Variants in TACC2 observed in about 807,000 individuals in gnomAD.
TACC2 encodes transforming acidic coiled-coil-containing protein 2.
TACC2 carries 137 observed loss-of-function variants against 227.3 expected under a neutral mutation model. The ratio of observed to expected loss-of-function variants is 0.60; its 90% CI spans 0.52 to 0.69. TACC2 has a LOEUF of 0.69. Ranked by LOEUF, TACC2 falls within the 30% of genes least tolerant of loss-of-function variation. The probability of loss-of-function intolerance (pLI) is 0.00; values close to 1 mark genes in which losing one functional copy is unlikely to be tolerated. For missense variants in TACC2, 3,470 were observed against 3,694.4 expected (o/e 0.94, Z 1.57); for synonymous variants, 1,523 against 1,487.5 (o/e 1.02, Z -0.55).
Position 122,086,206 on chromosome 10 carries a change from C to G in TACC2, c.3706C>G (p.Pro1236Ala). The G allele has an allele frequency of 6.2e-7, 1 of 1,613,790 alleles. No homozygotes were observed. Among genetic ancestry groups the G allele is most frequent in the Non-Finnish European group, 8.5e-7 (1 of 1,180,016 alleles). The change falls in exon 4 of 23, where the codon CCT becomes GCT. Residue 1236 changes from proline (P) to alanine (A), a missense_variant. Pro to Ala is a conservative substitution (Grantham distance 27). Around this residue, in one of 10 missense-constraint regions of TACC2, gnomAD observed 1,924 missense variants for 1,978.3 expected, o/e 0.97. Coordinates refer to ENST00000369005, the MANE Select transcript of TACC2 (RefSeq NM_206862.4). ...GPPEVAAPDT[P>A]YLHVDSAAQR... ...ACCAGAAGTGGCTGCTCCTGACACC[C>G]CTTACCTGCATGTCGACAGTGCTGC...
At chr10:122,057,232 T>G (rs890623116) in intron 3 of TACC2, among the ~76,000 whole-genome samples, 2 of 152,022 alleles carry the variant, frequency 1.3e-5, no homozygotes, top group Admixed American at 1.3e-4. Context: ...CAAGGGCTTA[T>G]GCATGCCAGG....
At chr10:122,059,738 G>A (rs1329743333) in intron 3 of TACC2, among the ~76,000 whole-genome samples, 4 of 152,164 alleles carry the variant, frequency 2.6e-5, no homozygotes, top group African/African-American at 4.8e-5. Flanking sequence ...ACACTTTTGG[G>A]TGGTGTGGAG....
intron 3 of TACC2, among the ~76,000 whole-genome samples, chr10:122,059,293 G>A (rs1454016882): frequency 6.6e-6 from 1 of 151,858 alleles, no homozygotes; most frequent in Non-Finnish European, 1.5e-5. Flanking sequence ...CTATTGCCAG[G>A]ACCAGTTTAT....
chr10:122,021,518 C>A (rs1364707082), intron 1 of TACC2, among the ~76,000 whole-genome samples: 1 of 152,182 alleles, frequency 6.6e-6, no homozygotes, highest in Non-Finnish European at 1.5e-5. Flanking sequence ...TCTGCCGTCA[C>A]CAACAGTGGG....
chr10:122,163,702 C>T (rs2092968041), intron 7 of TACC2: 3 of 1,116,142 alleles, frequency 2.7e-6, no homozygotes, highest in East Asian at 5.1e-5. Context: ...GCCGGCCACA[C>T]TCGCGCGCAC....
intron 3 of TACC2, among the ~76,000 whole-genome samples, chr10:122,053,958 A>C (rs1376008873): frequency 6.6e-6 from 1 of 152,242 alleles, no homozygotes; most frequent in African/African-American, 2.4e-5. Flanking sequence ...GAGCGAGGGA[A>C]GAATATAGGC....
intron 7 of TACC2, among the ~76,000 whole-genome samples, chr10:122,166,328 T>C (rs1387334752): frequency 2.6e-5 from 4 of 152,216 alleles, no homozygotes; most frequent in Non-Finnish European, 5.9e-5. Context: ...AAGATTTCTT[T>C]CCTTCCAATT....
intron 1 of TACC2, among the ~76,000 whole-genome samples, chr10:121,991,789 C>T (rs772920528): frequency 2.6e-5 from 4 of 152,090 alleles, no homozygotes; most frequent in African/African-American, 4.8e-5. Context: ...TTCATGCTGC[C>T]GATAAAGACA....
chr10:122,222,510 G>A (rs183609317), intron 11 of TACC2, among the ~76,000 whole-genome samples: 2 of 152,288 alleles, frequency 1.3e-5, no homozygotes, highest in African/African-American at 4.8e-5. Context: ...ACACTAATGT[G>A]GGTGTCAGAG....
chr10:122,211,181 G>T lies in TACC2; in HGVS notation c.6756G>T (p.Gly2252=). 1 of 1,613,150 alleles carries T rather than the reference G, an allele frequency of 6.2e-7. No individual in the cohort carries two copies. Among genetic ancestry groups the T allele is most frequent in the Non-Finnish European group, 8.5e-7 (1 of 1,179,538 alleles). Residue 2252 remains glycine, a synonymous_variant, in exon 9 of 23, where the codon GGG becomes GGT. Coordinates refer to ENST00000369005, the MANE Select transcript of TACC2 (RefSeq NM_206862.4). The stretch of plus-strand genomic sequence containing the variant: ...AGGTAACCCCATCGGATAGCGGGGG[G>T]CAAGAGGACTCTCCAGCCAAAGGGC... ...AGEVTPSDSG[G]QEDSPAKGLS... is the part of the protein sequence containing the mutation.
At chr10:122,140,011 C>T (rs530894698) in intron 6 of TACC2, among the ~76,000 whole-genome samples, 16 of 152,352 alleles carry the variant, frequency 1.1e-4, no homozygotes, top group African/African-American at 2.4e-4. Flanking sequence ...CAAAGGACAA[C>T]AGCTGCTGAC....
At chr10:122,118,548 C>G (rs117170503) in intron 5 of TACC2, among the ~76,000 whole-genome samples, 1 of 152,212 alleles carries the variant, frequency 6.6e-6, no homozygotes, top group African/African-American at 2.4e-5. Flanking sequence ...GAATCGTCTC[C>G]TCTCTTGAAC....
chr10:122,201,527 G>A (rs927410123), intron 8 of TACC2, among the ~76,000 whole-genome samples: 1 of 152,268 alleles, frequency 6.6e-6, no homozygotes, highest in East Asian at 1.9e-4. Context: ...GGAGGACGGT[G>A]ACCTCATGTG....
intron 1 of TACC2, among the ~76,000 whole-genome samples, chr10:122,012,258 A>G (rs1352041776): frequency 6.6e-6 from 1 of 151,690 alleles, no homozygotes; most frequent in Non-Finnish European, 1.5e-5. Context: ...CATCTCTACT[A>G]AAAATACAAA....
rs36047326 is a variant in TACC2, at chr10:122,201,156, C to G, written c.5971+5980C>G. Among the ~76,000 whole-genome samples the G allele has an allele frequency of 6.7e-3, 345 of 51,258 alleles. 1 individual carries two copies. The highest frequency in any genetic ancestry group is 0.015 in the Admixed American group (62 of 4,222). 33.6% of individuals were successfully genotyped at this position (51,258 alleles called of 152,430 possible). A position where few individuals can be genotyped will look rare whatever the true frequency, so the allele number is the denominator to read the frequency against. On this transcript the variant is annotated intron_variant, in intron 8 of 22. Transcript: ENST00000369005. ...TGCCCACAGTGGCCACATCTACAGT[C>G]AGAGGACGGCCACCTCACCTGCCCA... is the stretch of plus-strand genomic sequence containing the variant.
At chr10:122,078,839 TA>T (rs1270407898) in intron 3 of TACC2, 1 of 152,272 alleles carries the variant, frequency 6.6e-6, no homozygotes, top group Non-Finnish European at 1.5e-5. Context: ...TTATGCTAAA[TA>T]AACCAATGTC....
chr10:122,061,648 A>T (rs1275762363), intron 3 of TACC2, among the ~76,000 whole-genome samples: 1 of 152,130 alleles, frequency 6.6e-6, no homozygotes, highest in Non-Finnish European at 1.5e-5. Flanking sequence ...TCGGTGTCTT[A>T]GTCCATTTAA....
chr10:122,037,298 C>G (rs1422961026), intron 2 of TACC2, among the ~76,000 whole-genome samples: 1 of 152,224 alleles, frequency 6.6e-6, no homozygotes, highest in Non-Finnish European at 1.5e-5. Context: ...AGGTCCCAAC[C>G]AGCCCTGGTA....
chr10:122,143,773 C>A, intron 7 of TACC2, 67 bp downstream of exon 7: 1 of 1,561,326 alleles, frequency 6.4e-7, no homozygotes, highest in Non-Finnish European at 8.7e-7. Context: ...TCTCTGCCCC[C>A]TAGGTCTTGG....
Sources: allele counts gnomAD v4.1 joint callset (sites outside exome capture counted in the v4.1 genomes callset), GRCh38; gene constraint gnomAD v4.1.1; regional missense constraint gnomAD v4.1.1; transcripts MANE v1.5; gene names NCBI Gene and HGNC (gene_info 2026-07-23, HGNC 2026-07-21).